EIF2B3: variants seen among roughly 807,000 people sequenced by gnomAD.
The protein encoded by EIF2B3 is eukaryotic translation initiation factor 2B subunit gamma.
A neutral mutation model predicts 54.1 loss-of-function variants in EIF2B3; 20 were observed. The observed-to-expected ratio is 0.37, with a 90% CI of 0.26 to 0.54. The LOEUF (loss-of-function observed/expected upper bound fraction) is 0.54. Among genes scored for constraint, EIF2B3 ranks in the 20% least tolerant of loss-of-function variants. EIF2B3 has a pLI of 0.86. For synonymous variants in EIF2B3, 153 were observed against 188.1 expected (o/e 0.81, Z 1.52); for missense variants, 448 against 547.8 (o/e 0.82, Z 1.82).
intron 5 of EIF2B3, among the ~76,000 whole-genome samples, chr1:44,908,281 T>C (rs900672901): frequency 3.3e-5 from 5 of 152,224 alleles, no homozygotes; most frequent in Non-Finnish European, 7.3e-5. Context: ...ATGTAACTTA[T>C]AGTCCAGAGC....
At chr1:44,890,215 C>T (rs557051719) in intron 6 of EIF2B3, among the ~76,000 whole-genome samples, 24 of 152,188 alleles carry the variant, frequency 1.6e-4, no homozygotes, top group African/African-American at 5.8e-4. Context: ...TTTTGTCTTC[C>T]AGCTGTGCCT....
rs566069147 is a variant in EIF2B3, at chr1:44,966,426, G to A, written c.294+11889C>T. 2.8e-4 allele frequency among the ~76,000 whole-genome samples: 39 copies of A among 139,502 alleles called. No individual in the cohort carries two copies. The South Asian group carries it at 7.3e-3, about 26-fold the overall frequency. The allele number at this position is 139,502 out of a possible 152,430, so 91.5% of individuals were successfully genotyped here. A position where few individuals can be genotyped will look rare whatever the true frequency, so the allele number is the denominator to read the frequency against. Reference sequence around the variant, plus strand: ...TGCACTCCAGCCTGGGCGACAGAGCGAGACTCTGTCTCAAAAAAAAAAAAA... The same window carrying A: ...TGCACTCCAGCCTGGGCGACAGAGCAAGACTCTGTCTCAAAAAAAAAAAAA... On this transcript the variant is annotated intron_variant, in intron 3 of 11. Coordinates refer to ENST00000360403, the MANE Select transcript of EIF2B3 (RefSeq NM_020365.5).
chr1:44,960,115 T>G (rs1241489108), intron 3 of EIF2B3, among the ~76,000 whole-genome samples: 1 of 152,130 alleles, frequency 6.6e-6, no homozygotes, highest in Non-Finnish European at 1.5e-5. Context: ...TGTCAGTGAA[T>G]GAGAGTACAA....
At position 44,880,005 on chromosome 1, in the gene EIF2B3, A is replaced by C; in HGVS notation, c.788T>G (p.Ile263Ser). The change falls in exon 8 of 12, where the codon ATC (isoleucine) becomes AGC (serine). Residue 263 changes from isoleucine (I) to serine (S), a missense_variant. Ile to Ser is a moderately radical substitution (Grantham distance 142). Transcript: ENST00000360403. ...LKKKELKSLD[I>S]YSFIKEANTL... ...ATTGGCTTCTTTTATAAAACTGTAG[A>C]TATCTTCAGAACAAACACCCAACCA... 6.2e-7 allele frequency: 1 copy of C among 1,614,168 alleles called. No individual in the cohort carries two copies. The highest frequency in any genetic ancestry group is 8.5e-7 in the Non-Finnish European group (1 of 1,180,014).
intron 3 of EIF2B3, among the ~76,000 whole-genome samples, chr1:44,942,593 A>C (rs2148943121): frequency 6.8e-6 from 1 of 147,656 alleles, no homozygotes; most frequent in Admixed American, 6.8e-5. Context: ...ACACTTGGCT[A>C]ATTTTTACAT....
At position 44,850,583 on chromosome 1, in the gene EIF2B3, C is replaced by T. The variant is rs1654240284; in HGVS notation, c.*368G>A. 3.1e-6 allele frequency: 1 copy of T among 323,296 alleles called. No homozygotes were observed. The highest frequency in any genetic ancestry group is 2.1e-5 in the African/African-American group (1 of 46,760). 20.0% of individuals were successfully genotyped at this position (323,296 alleles called of 1,614,324 possible). On this transcript the variant is annotated 3_prime_UTR_variant, in exon 12 of 12. Transcript: ENST00000360403. The stretch of plus-strand genomic sequence containing the variant: ...ATTAGGATAAGGGACTGAAGTACTC[C>T]CAGGTCCTTTTAGGTGAGGGATACT...
At chr1:44,867,311 T>C (rs931697687) in intron 10 of EIF2B3, among the ~76,000 whole-genome samples, 2 of 152,128 alleles carry the variant, frequency 1.3e-5, no homozygotes, top group Non-Finnish European at 1.5e-5. Flanking sequence ...GTTTACTACA[T>C]TGTGGATTCC....
intron 3 of EIF2B3, among the ~76,000 whole-genome samples, chr1:44,962,928 G>A (rs75509083): frequency 0.013 from 1,907 of 152,164 alleles, 30 homozygotes; most frequent in African/African-American, 0.038. Flanking sequence ...AAATGACACC[G>A]GATTCAGTCT....
intron 5 of EIF2B3, 57 bp downstream of exon 5, chr1:44,926,571 G>T: frequency 7.1e-7 from 1 of 1,409,158 alleles, no homozygotes; most frequent in Non-Finnish European, 1.0e-6. Flanking sequence ...CCACTGGGTG[G>T]TTTTATTTTG....
intron 3 of EIF2B3, among the ~76,000 whole-genome samples, chr1:44,976,957 A>C (rs975931372): frequency 6.6e-6 from 1 of 152,220 alleles, no homozygotes; most frequent in Admixed American, 6.5e-5. Flanking sequence ...GGATAATGGT[A>C]ATCTAGGTGT....
At chr1:44,959,192 C>T (rs1644259672) in intron 3 of EIF2B3, 1 of 702,834 alleles carries the variant, frequency 1.4e-6, no homozygotes, top group Non-Finnish European at 2.6e-6. Flanking sequence ...TTAGGAATAA[C>T]AACTCCAAGT....
chr1:44,854,611 G>C (rs1308867366), intron 11 of EIF2B3, among the ~76,000 whole-genome samples: 1 of 149,576 alleles, frequency 6.7e-6, no homozygotes, highest in African/African-American at 2.5e-5. Context: ...TTTTGAGATG[G>C]AGTTTCGCTC....
intron 10 of EIF2B3, among the ~76,000 whole-genome samples, chr1:44,867,523 C>T (rs1211346259): frequency 2.6e-5 from 4 of 152,064 alleles, no homozygotes; most frequent in Non-Finnish European, 4.4e-5. Flanking sequence ...AAGCACATAA[C>T]GAATATGAGA....
chr1:44,889,453 C>T (rs1196188199), intron 6 of EIF2B3, among the ~76,000 whole-genome samples: 1 of 151,628 alleles, frequency 6.6e-6, no homozygotes, highest in Admixed American at 6.6e-5. Flanking sequence ...AGGAGAATTG[C>T]TGGAACCTGG....
chr1:44,851,213 C>T lies in EIF2B3; in HGVS notation c.1307-210G>A, dbSNP rs376904934. Among the ~76,000 whole-genome samples the T allele has an allele frequency of 4.6e-5, 7 of 151,996 alleles. No individual in the cohort carries two copies. The South Asian group carries it at 1.3e-3, about 27-fold the overall frequency. On this transcript the variant is annotated intron_variant, in intron 11 of 11. Transcript: ENST00000360403. The stretch of plus-strand genomic sequence containing the variant: ...CTGAGTAGCTGGGATTACAGGCGCC[C>T]GCCACCACGCCTGGCTAACTTTTGT...
At chr1:44,868,496 ATTTT>A (rs57428854) in intron 10 of EIF2B3, among the ~76,000 whole-genome samples, 1 of 135,454 alleles carries the variant, frequency 7.4e-6, no homozygotes, top group Non-Finnish European at 1.6e-5. Flanking sequence ...CTAACACTGG[ATTTT>A]TTTTTTTTTT....
intron 5 of EIF2B3, among the ~76,000 whole-genome samples, chr1:44,906,022 G>A (rs1470136671): frequency 1.3e-5 from 2 of 152,144 alleles, no homozygotes; most frequent in African/African-American, 2.4e-5. Flanking sequence ...CAGCACCACT[G>A]ACAAGAAGCT....
intron 2 of EIF2B3, among the ~76,000 whole-genome samples, chr1:44,979,874 G>A (rs545305707): frequency 6.6e-6 from 1 of 152,214 alleles, no homozygotes; most frequent in South Asian, 2.1e-4. Context: ...ACTGAAGCAG[G>A]AGAATTGCTT....
chr1:44,870,717 A>G (rs991620036), intron 10 of EIF2B3, among the ~76,000 whole-genome samples: 2 of 151,646 alleles, frequency 1.3e-5, no homozygotes. Context: ...CAGTGGTGCA[A>G]TCTTGGCTCA....
Sources: allele counts gnomAD v4.1 joint callset (sites outside exome capture counted in the v4.1 genomes callset), GRCh38; gene constraint gnomAD v4.1.1; transcripts MANE v1.5; gene names NCBI Gene and HGNC (gene_info 2026-07-23, HGNC 2026-07-21).